Variants in ZNF717 observed in about 807,000 individuals in gnomAD.
ZNF717 encodes zinc finger protein 717, also known as krueppel-like factor X17.
A neutral mutation model predicts 13.8 loss-of-function variants in ZNF717; 9 were observed. The observed-to-expected ratio is 0.65, with a 90% CI of 0.39 to 1.14. The LOEUF (loss-of-function observed/expected upper bound fraction) is 1.14. Ranked by LOEUF, ZNF717 falls within the 50% of genes most tolerant of loss-of-function variation. ZNF717 has a pLI of 0.01. For missense variants in ZNF717, 1,040 were observed against 1,080.7 expected (o/e 0.96, Z 0.53); for synonymous variants, 327 against 364.1 (o/e 0.90, Z 1.16).
rs1270661944 is a variant in ZNF717 at position 75,778,765 on chromosome 3, GTC to G, written c.57+4539_57+4540del. Among the ~76,000 whole-genome samples the G allele has an allele frequency of 1.9e-4, 26 of 135,358 alleles. 1 individual carries two copies. The highest frequency in any genetic ancestry group is 4.4e-4 in the African/African-American group (14 of 31,804). 88.8% of individuals were successfully genotyped at this position (135,358 alleles called of 152,430 possible). On this transcript the variant is annotated intron_variant, in intron 2 of 4. Coordinates refer to ENST00000652011, the MANE Select transcript of ZNF717 (RefSeq NM_001290208.3). ...ACCCGTAAACCAAAACAATGGGAGT[GTC>G]ATGCTAAACCAGAAACCCAAAACAA...
At chr3:75,761,817 C>G (rs191172509) in intron 2 of ZNF717, among the ~76,000 whole-genome samples, 19 of 152,314 alleles carry the variant, frequency 1.2e-4, no homozygotes, top group Admixed American at 1.2e-3. Flanking sequence ...GCGGGTGGAC[C>G]AACTGAGGTC....
intron 2 of ZNF717, among the ~76,000 whole-genome samples, chr3:75,778,124 C>T (rs1944480354): frequency 6.6e-6 from 1 of 151,296 alleles, no homozygotes; most frequent in African/African-American, 2.4e-5. Flanking sequence ...GAACCCAAAA[C>T]AATGTGACTG....
At chr3:75,730,604 C>T (rs929634955) in exon 6 of ZNF717, 24 of 701,952 alleles carry the variant, frequency 3.4e-5, no homozygotes, top group African/African-American at 3.3e-4. Context: ...CCAGAGTTCA[C>T]AAGAGAGATC....
chr3:75,764,897 G>C lies in ZNF717; in HGVS notation c.57+18409C>G, dbSNP rs1195843426. Among the ~76,000 whole-genome samples the C allele has an allele frequency of 3.3e-5, 5 of 151,660 alleles. No homozygotes were observed. The South Asian group carries it at 8.4e-4, about 26-fold the overall frequency. ...ATAACTAGTAGCAGGACCTCAAACA[G>C]ATATGTGCACACCTATGTTCACAGC... On this transcript the variant is annotated intron_variant, in intron 2 of 4. Transcript: ENST00000652011.
At chr3:75,772,423 C>G (rs1323863199) in intron 2 of ZNF717, among the ~76,000 whole-genome samples, 4 of 151,978 alleles carry the variant, frequency 2.6e-5, no homozygotes, top group Non-Finnish European at 5.9e-5. Flanking sequence ...TGTGGCCCTT[C>G]AGGGAACCCA....
intron 6 of ZNF717, among the ~76,000 whole-genome samples, chr3:75,704,021 G>A (rs1354772096): frequency 1.3e-5 from 2 of 152,222 alleles, no homozygotes; most frequent in African/African-American, 4.8e-5. Flanking sequence ...TTTTTGTAAG[G>A]ATAATATTAA....
downstream of ZNF717, among the ~76,000 whole-genome samples, chr3:75,708,939 T>C (rs1937868514): frequency 6.6e-6 from 1 of 152,004 alleles, no homozygotes; most frequent in South Asian, 2.1e-4. Context: ...GCACATTACA[T>C]GGTGAGAGCA....
At chr3:75,755,706 T>C (rs62268080) in intron 2 of ZNF717, among the ~76,000 whole-genome samples, 13,681 of 152,008 alleles carry the variant, frequency 0.09, 720 homozygotes, top group African/African-American at 0.2. Context: ...CTATGGCAAC[T>C]AGTTAAAAAA....
chr3:75,778,793 T>C (rs762835344), intron 2 of ZNF717, among the ~76,000 whole-genome samples: 2 of 136,838 alleles, frequency 1.5e-5, no homozygotes, highest in East Asian at 4.4e-4. Context: ...CCCAAAACAA[T>C]GGGAGTGATA....
At chr3:75,698,160 A>C (rs1229336002) in intron 6 of ZNF717, among the ~76,000 whole-genome samples, 1 of 152,286 alleles carries the variant, frequency 6.6e-6, no homozygotes, top group East Asian at 1.9e-4. Flanking sequence ...AAAAAAAAAA[A>C]AAAAGGTTGT....
intron 2 of ZNF717, among the ~76,000 whole-genome samples, chr3:75,766,273 C>G (rs1460881795): frequency 6.6e-6 from 1 of 151,800 alleles, no homozygotes; most frequent in African/African-American, 2.4e-5. Context: ...CACAGAGACA[C>G]AATTTAAACA....
intron 2 of ZNF717, among the ~76,000 whole-genome samples, chr3:75,759,052 T>C (rs1210077544): frequency 6.6e-6 from 1 of 152,218 alleles, no homozygotes; most frequent in Non-Finnish European, 1.5e-5. Context: ...AAAGTATTTG[T>C]AAACTAAGGT....
intron 2 of ZNF717, among the ~76,000 whole-genome samples, chr3:75,751,458 T>A (rs1941789434): frequency 6.6e-6 from 1 of 151,518 alleles, no homozygotes; most frequent in Non-Finnish European, 1.5e-5. Flanking sequence ...GTCTGAATGT[T>A]TGTCCCTCAC....
At chr3:75,755,851 C>G (rs1395416699) in intron 2 of ZNF717, among the ~76,000 whole-genome samples, 1 of 152,232 alleles carries the variant, frequency 6.6e-6, no homozygotes, top group African/African-American at 2.4e-5. Context: ...GAATAGAAAA[C>G]AGTAACAAAC....
rs796839808 is a variant in ZNF717, at chr3:75,749,958, C to T, written c.58-8222G>A. On this transcript the variant is annotated intron_variant, in intron 2 of 4. Transcript: ENST00000652011. ...CACATAGGATTCCAGAATACTGCTA[C>T]GAGGGTCTGAATGTTTGCCCCTCAC... is the stretch of plus-strand genomic sequence containing the variant. Among the ~76,000 whole-genome samples, 11 of 150,040 alleles carry T rather than the reference C, an allele frequency of 7.3e-5. 1 individual carries two copies. The highest frequency in any genetic ancestry group is 2.5e-4 in the African/African-American group (10 of 40,622).
At chr3:75,749,763 C>G (rs1157368604) in intron 2 of ZNF717, among the ~76,000 whole-genome samples, 1 of 151,426 alleles carries the variant, frequency 6.6e-6, no homozygotes, top group African/African-American at 2.4e-5. Flanking sequence ...CAGAACAATG[C>G]TGCTGGAGTC....
chr3:75,750,508 C>T (rs1212199022), intron 2 of ZNF717, among the ~76,000 whole-genome samples: 1 of 151,902 alleles, frequency 6.6e-6, no homozygotes, highest in African/African-American at 2.4e-5. Flanking sequence ...CCTTGCCCCT[C>T]ACATAGGATT....
At chr3:75,722,312 A>G (rs1234302022) in intron 4 of ZNF717, among the ~76,000 whole-genome samples, 6 of 152,294 alleles carry the variant, frequency 3.9e-5, no homozygotes, top group African/African-American at 9.6e-5. Context: ...TGCTAACAAA[A>G]TAGTACTTTA....
downstream of ZNF717, among the ~76,000 whole-genome samples, chr3:75,725,991 G>C (rs1575725058): frequency 2.6e-5 from 4 of 152,304 alleles, no homozygotes; most frequent in East Asian, 7.7e-4. Context: ...TTGACATTCT[G>C]ATCTAGACTC....
Sources: gnomAD v4.1 joint callset for allele counts (sites outside exome capture counted in the v4.1 genomes callset) on GRCh38, gnomAD v4.1.1 for gene constraint, MANE v1.5 for transcripts, NCBI Gene and HGNC (gene_info 2026-07-23, HGNC 2026-07-21) for gene names.